Variants in WAPL observed in about 807,000 individuals in gnomAD.
The protein encoded by WAPL is wings apart-like protein homolog.
WAPL carries 5 observed loss-of-function variants against 121.0 expected under a neutral mutation model. That is an observed-to-expected ratio of 0.04 (90% confidence interval 0.02 to 0.09). The LOEUF (loss-of-function observed/expected upper bound fraction) is 0.09. WAPL is among the 10% of genes least tolerant of loss of function. The pLI, the probability that WAPL is intolerant of heterozygous loss-of-function variation, is 1.00. For missense variants in WAPL, 999 were observed against 1,410.8 expected, an observed-to-expected ratio of 0.71 and a Z score of 4.68; for synonymous variants, 480 against 481.5, an observed-to-expected ratio of 1.00 and a Z score of 0.04.
At chr10:86,497,397 C>T in intron 3 of WAPL, 78 bp from the exon 4 acceptor site, 2 of 1,022,964 alleles carry the variant, frequency 2.0e-6, no homozygotes, top group Non-Finnish European at 1.5e-6. Context: ...ATTATATATA[C>T]ATGAATGAAT....
intron 4 of WAPL, among the ~76,000 whole-genome samples, chr10:86,490,860 C>T (rs764728657): frequency 1.4e-4 from 22 of 151,754 alleles, no homozygotes; most frequent in Admixed American, 3.9e-4. Context: ...GTCGGGAGTT[C>T]GAGACCAGCC....
chr10:86,481,736 A>T (rs1841794687), intron 4 of WAPL, among the ~76,000 whole-genome samples: 2 of 152,170 alleles, frequency 1.3e-5, no homozygotes, highest in South Asian at 4.1e-4. Flanking sequence ...AGCAGAAAAC[A>T]ATAAAATTGG....
Position 86,499,925 on chromosome 10 carries a change from C to T in WAPL, c.1318G>A (p.Glu440Lys). ...TAATTAGAACTTCCAGAACCTCCTT[C>T]ATCACCTCCTGTCTCATGATCTTCA... ...GFEDHETGGDEGGSGSSNYKI... is the reference protein window; with the variant it reads ...GFEDHETGGDKGGSGSSNYKI... Residue 440 changes from glutamate (E) to lysine (K), a missense_variant, in exon 3 of 19, where the codon GAA (glutamate) becomes AAA (lysine). By Grantham distance (56) the Glu-to-Lys change is moderately conservative. Transcript: ENST00000298767. 6.2e-7 allele frequency: 1 copy of T among 1,614,140 alleles called. No homozygotes were observed. The highest frequency in any genetic ancestry group is 8.5e-7 in the Non-Finnish European group (1 of 1,180,010).
chr10:86,492,870 A>G (rs1026222591), intron 4 of WAPL, among the ~76,000 whole-genome samples: 1 of 152,106 alleles, frequency 6.6e-6, no homozygotes, highest in South Asian at 2.1e-4. Context: ...ATCCTGGCTA[A>G]CACTGTGAAA....
Position 86,500,400 on chromosome 10 carries a change from T to C in WAPL, c.843A>G (p.Glu281=). The C allele has an allele frequency of 6.2e-7, 1 of 1,614,234 alleles. No homozygotes were observed. Among genetic ancestry groups the C allele is most frequent in the Non-Finnish European group, 8.5e-7 (1 of 1,180,034 alleles). The change falls in exon 3 of 19, where the codon GAA becomes GAG. Residue 281 remains glutamate (E), a synonymous_variant. Transcript: ENST00000298767. ...GCCTAAGAACACTTTGTACAATATC[T>C]TCCTCAATGGCTTCATTCAGATTTT... is the stretch of plus-strand genomic sequence containing the variant. ...RLENLNEAIE[E]DIVQSVLRPT... is the part of the protein sequence containing the mutation.
intron 12 of WAPL, among the ~76,000 whole-genome samples, chr10:86,455,133 C>T (rs1408122744): frequency 6.6e-6 from 1 of 150,834 alleles, no homozygotes; most frequent in Non-Finnish European, 1.5e-5. Context: ...CCCGGCCACC[C>T]CGTCTGGGAA....
chr10:86,440,935 G>A (rs1045403188), intron 17 of WAPL, among the ~76,000 whole-genome samples: 10 of 149,348 alleles, frequency 6.7e-5, no homozygotes, highest in Non-Finnish European at 1.2e-4. Flanking sequence ...GTAAGGAAAC[G>A]TGGGGTGGGT....
chr10:86,505,320 T>TTTTTTTTTTTTTTTTC (rs1842327905), intron 2 of WAPL, among the ~76,000 whole-genome samples: 1 of 143,132 alleles, frequency 7.0e-6, no homozygotes, highest in Non-Finnish European at 1.5e-5. Context: ...TTTTTTTTTT[T>TTTTTTTTTTTTTTTTC]TTTTTGGAGA....
At chr10:86,487,263 A>G (rs1304279876) in intron 4 of WAPL, among the ~76,000 whole-genome samples, 1 of 152,124 alleles carries the variant, frequency 6.6e-6, no homozygotes, top group Non-Finnish European at 1.5e-5. Flanking sequence ...GACAGCTACA[A>G]ATAATGGCAT....
chr10:86,521,755 C>A lies in WAPL; in HGVS notation c.-413G>T, dbSNP rs1200382286. ...TCTCAACGCCATTTGCGCTCCCGGC[C>A]CCCACCTCCTTCCTCCAACAGCCGC... On this transcript the variant is annotated 5_prime_UTR_variant, in exon 1 of 19. Coordinates refer to ENST00000298767, the MANE Select transcript of WAPL (RefSeq NM_015045.5). The A allele has an allele frequency of 2.2e-6, 1 of 445,838 alleles. No homozygotes were observed. Among genetic ancestry groups the A allele is most frequent in the Admixed American group, 2.5e-5 (1 of 39,762 alleles). 27.6% of individuals were successfully genotyped at this position (445,838 alleles called of 1,614,324 possible).
chr10:86,462,065 A>C lies in WAPL; in HGVS notation c.2371-778T>G, dbSNP rs189110941. On this transcript the variant is annotated intron_variant, in intron 9 of 18. Coordinates refer to ENST00000298767, the MANE Select transcript of WAPL (RefSeq NM_015045.5). Reference sequence around the variant, plus strand: ...CCACCAGAAGAGTACAAAAGCTAAGAGCCACACTCACAACCTGAGTAAAGT... The same window carrying C: ...CCACCAGAAGAGTACAAAAGCTAAGCGCCACACTCACAACCTGAGTAAAGT... Among the ~76,000 whole-genome samples, 104 of 152,338 alleles carry C rather than the reference A, an allele frequency of 6.8e-4. 2 individuals are homozygous for C. The highest frequency in any genetic ancestry group is 3.4e-3 in the Middle Eastern group (1 of 294).
chr10:86,516,845 G>T, intron 2 of WAPL, among the ~76,000 whole-genome samples: 1 of 152,098 alleles, frequency 6.6e-6, no homozygotes, highest in Non-Finnish European at 1.5e-5. Context: ...CAGCACTTTG[G>T]GAGGTGAGGC....
intron 4 of WAPL, 68 bp downstream of exon 4, chr10:86,497,133 A>T: frequency 2.3e-6 from 3 of 1,277,094 alleles, no homozygotes; most frequent in South Asian, 1.3e-5. Context: ...ACTTTCAAAT[A>T]AAAAATTAAG....
At position 86,521,685 on chromosome 10, in the gene WAPL, G is replaced by A. The variant is rs1244054141; in HGVS notation, c.-343C>T. The A allele has an allele frequency of 4.3e-6, 2 of 463,858 alleles. No individual in the cohort carries two copies. The highest frequency in any genetic ancestry group is 2.4e-5 in the Admixed American group (1 of 42,078). The allele number at this position is 463,858 out of a possible 1,614,324, so 28.7% of individuals were successfully genotyped here. A position where few individuals can be genotyped will look rare whatever the true frequency, so the allele number is the denominator to read the frequency against. ...CGCCGCCTCCTGCGCCGCCGCTTCCGCCGGTGAATGGTCAGTGCTGGAGTT... is the reference window on the plus strand; with the variant it reads ...CGCCGCCTCCTGCGCCGCCGCTTCCACCGGTGAATGGTCAGTGCTGGAGTT... On this transcript the variant is annotated 5_prime_UTR_variant, in exon 1 of 19. Coordinates refer to ENST00000298767, the MANE Select transcript of WAPL (RefSeq NM_015045.5).
intron 12 of WAPL, among the ~76,000 whole-genome samples, chr10:86,455,317 T>G (rs183739087): frequency 1.2e-4 from 18 of 152,284 alleles, no homozygotes; most frequent in East Asian, 9.6e-4. Context: ...CATAGGAGAC[T>G]CCATTTTGTT....
At chr10:86,509,245 T>C (rs1398515864) in intron 2 of WAPL, among the ~76,000 whole-genome samples, 1 of 152,202 alleles carries the variant, frequency 6.6e-6, no homozygotes. Flanking sequence ...AAACCCAATG[T>C]ACCCAAAACT....
chr10:86,467,379 G>C lies in WAPL; in HGVS notation c.2270C>G (p.Ala757Gly). The C allele has an allele frequency of 6.2e-7, 1 of 1,613,974 alleles. No individual in the cohort carries two copies. The highest frequency in any genetic ancestry group is 1.1e-5 in the South Asian group (1 of 91,072). The change falls in exon 9 of 19, where the codon GCC (alanine) becomes GGC (glycine). Residue 757 changes from alanine to glycine, a missense_variant. Physicochemically the swap from Ala to Gly is moderately conservative, Grantham distance 60. This residue lies in a region of WAPL where 118 missense variants were observed against 318.3 expected (regional missense o/e 0.37). Coordinates refer to ENST00000298767, the MANE Select transcript of WAPL (RefSeq NM_015045.5). ...CATGTCTTTTTCATTCAGTAGCTTGGCTGATGAAGCATCTTGTTCCAGTTC... is the reference window on the plus strand; with the variant it reads ...CATGTCTTTTTCATTCAGTAGCTTGCCTGATGAAGCATCTTGTTCCAGTTC... ...LLELEQDASSAKLLNEKDMNK... is the reference protein window; with the variant it reads ...LLELEQDASSGKLLNEKDMNK...
chr10:86,492,413 G>A (rs1424767451), intron 4 of WAPL, among the ~76,000 whole-genome samples: 1 of 152,174 alleles, frequency 6.6e-6, no homozygotes, highest in Non-Finnish European at 1.5e-5. Context: ...CGTGGTACTG[G>A]ACTAGCACTC....
intron 4 of WAPL, among the ~76,000 whole-genome samples, chr10:86,489,852 G>T (rs1842004704): frequency 6.9e-6 from 1 of 144,548 alleles, no homozygotes; most frequent in African/African-American, 2.6e-5. Flanking sequence ...ACTCTCACTG[G>T]CCTACCATTA....
Sources: gnomAD v4.1 joint callset for allele counts (sites outside exome capture counted in the v4.1 genomes callset) on GRCh38, gnomAD v4.1.1 for gene constraint, gnomAD v4.1.1 regional missense constraint, MANE v1.5 for transcripts, NCBI Gene and HGNC (gene_info 2026-07-23, HGNC 2026-07-21) for gene names.